Variants in LUZP2 observed in about 807,000 individuals in gnomAD.
LUZP2 encodes the protein leucine zipper protein 2.
Under a neutral mutation model 51.6 loss-of-function variants are expected in LUZP2, and 52 were observed. The ratio of observed to expected loss-of-function variants is 1.01; its 90% confidence interval spans 0.81 to 1.27. The LOEUF is 1.27. LUZP2 is among the 50% of genes most tolerant of loss of function. The pLI, the probability that LUZP2 is intolerant of heterozygous loss-of-function variation, is 0.00. For missense variants in LUZP2, 436 were observed against 395.4 expected, an observed-to-expected ratio of 1.10 and a Z score of -0.87; for synonymous variants, 154 against 137.3, an observed-to-expected ratio of 1.12 and a Z score of -0.85.
chr11:24,998,000 C>A lies in LUZP2; in HGVS notation c.765+14707C>A, dbSNP rs1381539278. Among the ~76,000 whole-genome samples the A allele has an allele frequency of 2.0e-5, 3 of 152,128 alleles. No homozygotes were observed. In the East Asian group the frequency reaches 5.8e-4, roughly 29 times the overall value. ...CTGTATCTCTGTTTTGGTACCAGTA[C>A]CATCCTGTTTGGGTTACTGTAGCCT... On this transcript the variant is annotated intron_variant, in intron 9 of 11. Transcript: ENST00000336930.
At chr11:24,897,153 G>A (rs979315910) in intron 5 of LUZP2, among the ~76,000 whole-genome samples, 10 of 147,792 alleles carry the variant, frequency 6.8e-5, no homozygotes, top group African/African-American at 2.5e-4. Flanking sequence ...AGCACTCTGT[G>A]TCTAGCTCAG....
chr11:24,818,381 A>C (rs1395874497), intron 5 of LUZP2, among the ~76,000 whole-genome samples: 1 of 152,074 alleles, frequency 6.6e-6, no homozygotes, highest in African/African-American at 2.4e-5. Context: ...TACCATAGCT[A>C]ACAAATGGGT....
intron 1 of LUZP2, among the ~76,000 whole-genome samples, chr11:24,692,657 G>T (rs999911690): frequency 6.6e-6 from 1 of 151,918 alleles, no homozygotes; most frequent in Admixed American, 6.6e-5. Context: ...TAGCTAAAAA[G>T]TCAACAAGTT....
intron 1 of LUZP2, among the ~76,000 whole-genome samples, chr11:24,635,823 G>T (rs1159599998): frequency 6.6e-6 from 1 of 152,062 alleles, no homozygotes; most frequent in East Asian, 1.9e-4. Flanking sequence ...TGCCTTAAGA[G>T]GCCCCACAGC....
At chr11:24,520,286 C>T (rs1252825669) in intron 1 of LUZP2, among the ~76,000 whole-genome samples, 14 of 151,894 alleles carry the variant, frequency 9.2e-5, no homozygotes, top group East Asian at 1.9e-4. Context: ...AGTGTATGAC[C>T]GAAAAGCAAT....
chr11:24,953,466 C>T (rs987779160), intron 7 of LUZP2, among the ~76,000 whole-genome samples: 1 of 151,862 alleles, frequency 6.6e-6, no homozygotes, highest in African/African-American at 2.4e-5. Flanking sequence ...GTTAATAAAC[C>T]ACCAATTTCT....
intron 10 of LUZP2, among the ~76,000 whole-genome samples, chr11:25,073,345 A>G (rs190372533): frequency 6.6e-6 from 1 of 152,278 alleles, no homozygotes; most frequent in Non-Finnish European, 1.5e-5. Flanking sequence ...AGTTACAGAG[A>G]ACAAGAATCT....
At chr11:25,061,450 C>T (rs1858834494) in intron 10 of LUZP2, among the ~76,000 whole-genome samples, 1 of 152,130 alleles carries the variant, frequency 6.6e-6, no homozygotes, top group Admixed American at 6.6e-5. Context: ...GTATTTGTGG[C>T]TTATCCCACT....
At chr11:24,721,438 A>G (rs948634386) in intron 1 of LUZP2, among the ~76,000 whole-genome samples, 5 of 152,216 alleles carry the variant, frequency 3.3e-5, no homozygotes, top group Admixed American at 1.3e-4. Flanking sequence ...ATCTGGAATA[A>G]GACAAAGATG....
chr11:24,895,786 G>A (rs1320124199), intron 5 of LUZP2, among the ~76,000 whole-genome samples: 1 of 152,118 alleles, frequency 6.6e-6, no homozygotes, highest in African/African-American at 2.4e-5. Context: ...GCTAATGTGG[G>A]GCAATGAACA....
At chr11:24,602,012 A>G (rs1373496883) in intron 1 of LUZP2, among the ~76,000 whole-genome samples, 2 of 138,686 alleles carry the variant, frequency 1.4e-5, no homozygotes, top group Non-Finnish European at 3.1e-5. Context: ...ATATATGTAT[A>G]TATGTATATA....
At position 24,611,793 on chromosome 11, in the gene LUZP2, G is replaced by T; in HGVS notation, c.62+114488G>T. Among the ~76,000 whole-genome samples the T allele has an allele frequency of 6.6e-6, 1 of 151,970 alleles. No individual in the cohort carries two copies. The highest frequency in any genetic ancestry group is 1.9e-4 in the East Asian group (1 of 5,180). On this transcript the variant is annotated intron_variant, in intron 1 of 11. Transcript: ENST00000336930. The surrounding 1 kb of genome is among the most constrained non-coding windows in gnomAD (Gnocchi z 4.6). The stretch of plus-strand genomic sequence containing the variant: ...ATCACCATTATACAAATAAGAAAAG[G>T]GATACAAAGAGACATAACCGTAATT...
intron 1 of LUZP2, among the ~76,000 whole-genome samples, chr11:24,723,553 C>T (rs74233542): frequency 3.5e-4 from 54 of 152,156 alleles, no homozygotes; most frequent in Admixed American, 1.9e-3. Context: ...TGGCTGGACA[C>T]GGCGGCCCAT....
At chr11:24,725,596 G>A (rs1858444709) in intron 1 of LUZP2, among the ~76,000 whole-genome samples, 2 of 151,820 alleles carry the variant, frequency 1.3e-5, no homozygotes, top group South Asian at 2.1e-4. Context: ...AAAAGAAATT[G>A]GAGAGGGGTA....
chr11:24,683,715 C>G (rs1856815223), intron 1 of LUZP2, among the ~76,000 whole-genome samples: 1 of 152,136 alleles, frequency 6.6e-6, no homozygotes, highest in Non-Finnish European at 1.5e-5. Context: ...ATTTATATTT[C>G]TCTTCAATGG....
At chr11:24,767,482 TAGAC>T (rs538239690) in intron 5 of LUZP2, among the ~76,000 whole-genome samples, 101 of 152,350 alleles carry the variant, frequency 6.6e-4, no homozygotes, top group Admixed American at 3.6e-3. Flanking sequence ...TGGTTACAGT[TAGAC>T]AGTTGCTGTA....
intron 1 of LUZP2, among the ~76,000 whole-genome samples, chr11:24,625,278 C>A (rs1854637953): frequency 6.6e-6 from 1 of 150,380 alleles, no homozygotes; most frequent in South Asian, 2.1e-4. Context: ...AGAATGATTA[C>A]CATAGTTTCA....
At chr11:24,601,912 G>GTATATATGTA (rs879858629) in intron 1 of LUZP2, among the ~76,000 whole-genome samples, 1 of 136,864 alleles carries the variant, frequency 7.3e-6, no homozygotes, top group Non-Finnish European at 1.5e-5. Context: ...ATGTATATAT[G>GTATATATGTA]TATATATGTA....
At chr11:24,831,779 T>G (rs2631491) in intron 5 of LUZP2, 52,282 of 152,404 alleles carry the variant, frequency 0.34, 9,211 homozygotes, top group African/African-American at 0.4. Flanking sequence ...CTTTAAAAAC[T>G]TTGGAAAGGC....
Sources: allele counts gnomAD v4.1 joint callset (sites outside exome capture counted in the v4.1 genomes callset), GRCh38; gene constraint gnomAD v4.1.1; non-coding constraint Gnocchi (gnomAD v3.1); transcripts MANE v1.5; gene names NCBI Gene and HGNC (gene_info 2026-07-23, HGNC 2026-07-21).